Variants in TAFA5 observed in about 807,000 individuals in gnomAD.
The protein encoded by TAFA5 is chemokine-like protein TAFA-5.
A neutral mutation model predicts 15.3 loss-of-function variants in TAFA5; 6 were observed. The ratio of observed to expected loss-of-function variants is 0.39; its 90% confidence interval spans 0.21 to 0.77. The LOEUF (loss-of-function observed/expected upper bound fraction) is 0.77, where lower values mean the gene tolerates loss of function less well. TAFA5 is among the 30% of genes least tolerant of loss of function. The pLI is 0.41. For synonymous variants in TAFA5, 103 were observed against 80.7 expected, an observed-to-expected ratio of 1.28 and a Z score of -1.48; for missense variants, 161 against 193.1, an observed-to-expected ratio of 0.83 and a Z score of 0.98.
At chr22:48,524,185 A>G (rs1601847555) in intron 1 of TAFA5, among the ~76,000 whole-genome samples, 2 of 152,270 alleles carry the variant, frequency 1.3e-5, no homozygotes, top group South Asian at 4.1e-4. Flanking sequence ...CACCGCTTCC[A>G]ACGCTGACCT....
intron 2 of TAFA5, among the ~76,000 whole-genome samples, chr22:48,694,790 A>G (rs1178222569): frequency 4.1e-3 from 149 of 36,366 alleles, no homozygotes; most frequent in African/African-American, 0.015. Flanking sequence ...CCCACCCCCC[A>G]CCGCTCCAGA....
At chr22:48,567,599 A>T (rs1220550755) in intron 1 of TAFA5, among the ~76,000 whole-genome samples, 3 of 151,552 alleles carry the variant, frequency 2.0e-5, no homozygotes, top group Admixed American at 2.0e-4. Context: ...GCCTGAGGAG[A>T]GGGGGGACAG....
intron 2 of TAFA5, among the ~76,000 whole-genome samples, chr22:48,661,425 G>C (rs926494681): frequency 7.2e-5 from 11 of 152,216 alleles, no homozygotes; most frequent in African/African-American, 2.7e-4. Context: ...GGGGAAACTG[G>C]AGGCTCTTTC....
At chr22:48,735,008 C>T (rs1929968940) in intron 3 of TAFA5, among the ~76,000 whole-genome samples, 1 of 152,270 alleles carries the variant, frequency 6.6e-6, no homozygotes, top group Non-Finnish European at 1.5e-5. Context: ...CGATTGTAAA[C>T]TCAATCGGAG....
chr22:48,633,550 C>CTCTCTCTCTCTCTCTCTCTT (rs1926322827), intron 1 of TAFA5, among the ~76,000 whole-genome samples: 1 of 150,770 alleles, frequency 6.6e-6, no homozygotes, highest in East Asian at 1.9e-4. Flanking sequence ...CTCTCTCTCT[C>CTCTCTCTCTCTCTCTCTCTT]TCTCTCTCCA....
At chr22:48,680,171 C>G (rs1928134327) in intron 2 of TAFA5, among the ~76,000 whole-genome samples, 1 of 152,238 alleles carries the variant, frequency 6.6e-6, no homozygotes, top group African/African-American at 2.4e-5. Flanking sequence ...CTGAAACCAC[C>G]TGCTCACCCC....
chr22:48,547,620 C>T (rs1436726130), intron 1 of TAFA5, among the ~76,000 whole-genome samples: 2 of 141,100 alleles, frequency 1.4e-5, no homozygotes, highest in Non-Finnish European at 3.3e-5. Context: ...CCTTATGTAC[C>T]GGCCCTTGGT....
chr22:48,700,281 C>T (rs1465223363), intron 2 of TAFA5, among the ~76,000 whole-genome samples: 1 of 152,116 alleles, frequency 6.6e-6, no homozygotes, highest in Non-Finnish European at 1.5e-5. Context: ...CTTCCAGCTT[C>T]AGGGCAGGGG....
At chr22:48,529,353 A>G (rs1442305981) in intron 1 of TAFA5, among the ~76,000 whole-genome samples, 12 of 55,576 alleles carry the variant, frequency 2.2e-4, no homozygotes, top group African/African-American at 2.8e-4. Flanking sequence ...GCAGGAGATG[A>G]GGGTGTCAGG....
intron 1 of TAFA5, among the ~76,000 whole-genome samples, chr22:48,565,460 T>C (rs1261300278): frequency 6.6e-6 from 1 of 152,234 alleles, no homozygotes; most frequent in Non-Finnish European, 1.5e-5. Context: ...TGTACATAAA[T>C]ATTCAGTGCA....
At chr22:48,567,103 T>C (rs1425888253) in intron 1 of TAFA5, among the ~76,000 whole-genome samples, 1 of 152,224 alleles carries the variant, frequency 6.6e-6, no homozygotes, top group East Asian at 1.9e-4. Flanking sequence ...AACTTCCAGA[T>C]TTCGGGTGGG....
chr22:48,548,955 C>T (rs757221308), intron 1 of TAFA5, among the ~76,000 whole-genome samples: 1 of 152,230 alleles, frequency 6.6e-6, no homozygotes, highest in Non-Finnish European at 1.5e-5. Context: ...AGCCTTCACA[C>T]CCATGCTGGA....
intron 1 of TAFA5, among the ~76,000 whole-genome samples, chr22:48,625,495 C>T (rs767277171): frequency 4.6e-5 from 7 of 152,230 alleles, no homozygotes; most frequent in Non-Finnish European, 7.3e-5. Flanking sequence ...ATGAGTCTGT[C>T]CTACGGGAAG....
At chr22:48,512,305 G>A (rs1200243904) in intron 1 of TAFA5, among the ~76,000 whole-genome samples, 4 of 152,220 alleles carry the variant, frequency 2.6e-5, no homozygotes, top group African/African-American at 4.8e-5. Flanking sequence ...AGGAGAGGTG[G>A]AATTTTAAAG....
At chr22:48,539,045 G>T (rs570080806) in intron 1 of TAFA5, 5 of 218,548 alleles carry the variant, frequency 2.3e-5, no homozygotes, top group African/African-American at 1.1e-4. Flanking sequence ...GAGTTCACAG[G>T]GGGTGGGAGC....
At chr22:48,601,737 A>G (rs776439429) in intron 1 of TAFA5, among the ~76,000 whole-genome samples, 1 of 152,100 alleles carries the variant, frequency 6.6e-6, no homozygotes, top group Non-Finnish European at 1.5e-5. Context: ...CCCTCCAGGT[A>G]TGTGTGTTCT....
chr22:48,641,726 C>A (rs1425546850), intron 1 of TAFA5, among the ~76,000 whole-genome samples: 1 of 152,074 alleles, frequency 6.6e-6, no homozygotes, highest in Non-Finnish European at 1.5e-5. Context: ...GGCCCCCGGT[C>A]CAGGCCAACC....
chr22:48,637,955 C>T lies in TAFA5; in HGVS notation c.113-8642C>T, dbSNP rs551020388. 7.9e-5 allele frequency among the ~76,000 whole-genome samples: 12 copies of T among 152,226 alleles called. No homozygotes were observed. The South Asian group carries it at 1.9e-3, about 24-fold the overall frequency. On this transcript the variant is annotated intron_variant, in intron 1 of 3. Coordinates refer to ENST00000402357, the MANE Select transcript of TAFA5 (RefSeq NM_001082967.3). ...CCTGGGATCCTGAGGCTGTCCTGCC[C>T]GGGGGTCACTGCAGAGGGAGTCTTG... is the stretch of plus-strand genomic sequence containing the variant.
chr22:48,645,577 T>A (rs1240437523), intron 1 of TAFA5, among the ~76,000 whole-genome samples: 2 of 152,024 alleles, frequency 1.3e-5, no homozygotes, highest in Non-Finnish European at 2.9e-5. Context: ...AGAGCCTGAC[T>A]CTGCCCCCGG....
Sources: gnomAD v4.1 joint callset for allele counts (sites outside exome capture counted in the v4.1 genomes callset) on GRCh38, gnomAD v4.1.1 for gene constraint, MANE v1.5 for transcripts, NCBI Gene and HGNC (gene_info 2026-07-23, HGNC 2026-07-21) for gene names.